Variants in ITGA11 observed in about 807,000 individuals in gnomAD.
ITGA11 encodes the protein integrin subunit alpha 11, also known as integrin alpha-11.
A neutral mutation model predicts 141.9 loss-of-function variants in ITGA11; 97 were observed. The ratio of observed to expected loss-of-function variants is 0.68; its 90% CI spans 0.58 to 0.81. The LOEUF (loss-of-function observed/expected upper bound fraction) is 0.81, where lower values mean the gene tolerates loss of function less well. Ranked by LOEUF, ITGA11 falls within the 30% of genes least tolerant of loss-of-function variation. The pLI is 0.00. For missense variants in ITGA11, 1,387 were observed against 1,559.2 expected (o/e 0.89, Z 1.86); for synonymous variants, 658 against 624.6 (o/e 1.05, Z -0.80).
At chr15:68,352,342 GC>G (rs1894941132) in intron 7 of ITGA11, among the ~76,000 whole-genome samples, 2 of 151,946 alleles carry the variant, frequency 1.3e-5, no homozygotes. Context: ...AGAGAGCTCT[GC>G]CACCACGCTT....
rs1280137767 is a variant in ITGA11, at chr15:68,357,171, T to C, written c.729A>G (p.Ala243=). The C allele has an allele frequency of 6.2e-7, 1 of 1,613,016 alleles. No homozygotes were observed. The change falls in exon 7 of 30, where the codon GCA becomes GCG. Residue 243 remains alanine, a synonymous_variant. Coordinates refer to ENST00000315757, the MANE Select transcript of ITGA11 (RefSeq NM_001004439.2). ...EQRGGTETRT[A]FGIEFARSEA... ...TTTACCGTGCAAATTCAATGCCAAA[T>C]GCCGTCCGGGTCTCTGTTCCTCCTC...
chr15:68,330,403 T>C (rs1164556784), intron 15 of ITGA11, among the ~76,000 whole-genome samples: 6 of 151,750 alleles, frequency 4.0e-5, no homozygotes, highest in Non-Finnish European at 5.9e-5. Context: ...GATTTTTTTT[T>C]CCTTGTTTTA....
chr15:68,414,190 C>A (rs185453383), intron 1 of ITGA11, among the ~76,000 whole-genome samples: 206 of 152,282 alleles, frequency 1.4e-3, no homozygotes, highest in African/African-American at 4.8e-3. Flanking sequence ...GCCATCAGAC[C>A]CCCTCTTAAT....
chr15:68,359,601 G>A (rs1243812460), intron 5 of ITGA11, among the ~76,000 whole-genome samples: 1 of 152,000 alleles, frequency 6.6e-6, no homozygotes, highest in African/African-American at 2.4e-5. Context: ...AGCCAAGATC[G>A]GGCCACTACA....
chr15:68,346,545 C>T (rs1894749951), intron 10 of ITGA11, among the ~76,000 whole-genome samples: 1 of 152,158 alleles, frequency 6.6e-6, no homozygotes, highest in Non-Finnish European at 1.5e-5. Context: ...GGTACAGAGT[C>T]TGACACACAT....
At chr15:68,390,884 C>T (rs936081376) in intron 2 of ITGA11, among the ~76,000 whole-genome samples, 15 of 152,232 alleles carry the variant, frequency 9.9e-5, no homozygotes, top group Non-Finnish European at 2.1e-4. Context: ...CACTTCAAAC[C>T]TTTGCTCCTG....
intron 12 of ITGA11, among the ~76,000 whole-genome samples, 190 bp from the exon 13 acceptor site, chr15:68,332,668 T>C (rs1894215299): frequency 6.6e-6 from 1 of 152,212 alleles, no homozygotes; most frequent in African/African-American, 2.4e-5. Flanking sequence ...TGTTTTCAGT[T>C]TGCCCTTCTC....
chr15:68,412,698 C>G (rs1896803268), intron 1 of ITGA11, among the ~76,000 whole-genome samples: 1 of 100,912 alleles, frequency 9.9e-6, no homozygotes, highest in African/African-American at 3.9e-5. Context: ...TTTTTTGAGA[C>G]AGAGTCTCGT....
At chr15:68,315,837 G>T in intron 21 of ITGA11, 110 bp from the exon 22 acceptor site, 1 of 846,488 alleles carries the variant, frequency 1.2e-6, no homozygotes, top group South Asian at 1.8e-5. Context: ...AGCTTGCTGG[G>T]GGTTGGGGAG....
rs779944472 is a variant in ITGA11 at position 68,320,403 on chromosome 15, G to C, written c.2409-11C>G. On this transcript the variant is annotated splice_polypyrimidine_tract_variant and intron_variant, in intron 19 of 29. Coordinates refer to ENST00000315757, the MANE Select transcript of ITGA11 (RefSeq NM_001004439.2). ...CTCTGGCAGTACTCCCTGAGAACAAGAGACCACCAGAGACTGGGCAGATGG... is the reference window on the plus strand; with the variant it reads ...CTCTGGCAGTACTCCCTGAGAACAACAGACCACCAGAGACTGGGCAGATGG... 8 of 1,564,402 alleles carry C rather than the reference G, an allele frequency of 5.1e-6. No homozygotes were observed. Among genetic ancestry groups the C allele is most frequent in the Non-Finnish European group, 6.9e-6 (8 of 1,153,058 alleles).
At chr15:68,416,450 C>T (rs2140430768) in intron 1 of ITGA11, among the ~76,000 whole-genome samples, 1 of 152,320 alleles carries the variant, frequency 6.6e-6, no homozygotes, top group South Asian at 2.1e-4. Context: ...GTATCTTTTT[C>T]TGAGAACTCA....
At chr15:68,374,964 T>C (rs949205689) in intron 2 of ITGA11, among the ~76,000 whole-genome samples, 2 of 152,230 alleles carry the variant, frequency 1.3e-5, no homozygotes, top group African/African-American at 4.8e-5. Context: ...GAGCAGTTTG[T>C]GTCTGAGGCT....
At chr15:68,425,026 T>C (rs1388591164) in intron 1 of ITGA11, among the ~76,000 whole-genome samples, 1 of 152,202 alleles carries the variant, frequency 6.6e-6, no homozygotes, top group Non-Finnish European at 1.5e-5. Context: ...TCTCCATGTT[T>C]CTTGAGGCAG....
At position 68,357,266 on chromosome 15, in the gene ITGA11, G is replaced by A. The variant is rs1895100574; in HGVS notation, c.634C>T (p.His212Tyr). Reference sequence around the variant, plus strand: ...CTGTAGTCGTTGAGGTGAAACTCATGCACCACATCTTCGCCATACTGCACA... The same window carrying A: ...CTGTAGTCGTTGAGGTGAAACTCATACACCACATCTTCGCCATACTGCACA... ...GVVQYGEDVVHEFHLNDYRSV... is the reference protein window; with the variant it reads ...GVVQYGEDVVYEFHLNDYRSV... Residue 212 changes from histidine to tyrosine, a missense_variant, in exon 7 of 30, where the codon CAT (histidine) becomes TAT (tyrosine). His to Tyr is a moderately conservative substitution (Grantham distance 83). Coordinates refer to ENST00000315757, the MANE Select transcript of ITGA11 (RefSeq NM_001004439.2). 1.9e-6 allele frequency: 3 copies of A among 1,613,642 alleles called. No homozygotes were observed. Among genetic ancestry groups the A allele is most frequent in the Non-Finnish European group, 2.5e-6 (3 of 1,179,842 alleles).
chr15:68,431,574 C>T (rs1897271797), intron 1 of ITGA11, among the ~76,000 whole-genome samples: 2 of 152,236 alleles, frequency 1.3e-5, no homozygotes. Context: ...AGATGCTTCC[C>T]CGGAGCCAGG....
At chr15:68,306,464 G>A (rs1014611131) in intron 28 of ITGA11, among the ~76,000 whole-genome samples, 3 of 152,070 alleles carry the variant, frequency 2.0e-5, no homozygotes, top group African/African-American at 4.8e-5. Flanking sequence ...GATGTCCCTC[G>A]CTCGGAATCG....
chr15:68,312,313 C>T lies in ITGA11; in HGVS notation c.2973+460G>A, dbSNP rs1411804785. ...TAATAAGGAGGGAGCATGCTCTTCT[C>T]CCCTTCCTCCTTCCTGCTGCCTGGA... On this transcript the variant is annotated intron_variant, in intron 24 of 29. Coordinates refer to ENST00000315757, the MANE Select transcript of ITGA11 (RefSeq NM_001004439.2). Among the ~76,000 whole-genome samples the T allele has an allele frequency of 2.0e-5, 3 of 152,200 alleles. No homozygotes were observed. In the East Asian group the frequency reaches 5.8e-4, roughly 29 times the overall value.
chr15:68,345,449 G>GGGCTCTCCCCTC (rs1894714610), intron 10 of ITGA11, among the ~76,000 whole-genome samples: 2 of 152,162 alleles, frequency 1.3e-5, no homozygotes, highest in Non-Finnish European at 2.9e-5. Context: ...GGTCTCCCCT[G>GGGCTCTCCCCTC]TACCCTGGGC....
At chr15:68,396,234 T>TA (rs1268471055) in intron 2 of ITGA11, among the ~76,000 whole-genome samples, 1 of 144,756 alleles carries the variant, frequency 6.9e-6, no homozygotes, top group East Asian at 2.1e-4. Flanking sequence ...GTTTAATAGT[T>TA]AAAGAAAATA....
Sources: gnomAD v4.1 joint callset for allele counts (sites outside exome capture counted in the v4.1 genomes callset) on GRCh38, gnomAD v4.1.1 for gene constraint, MANE v1.5 for transcripts, NCBI Gene and HGNC (gene_info 2026-07-23, HGNC 2026-07-21) for gene names.